OGDH: variants seen among roughly 807,000 people sequenced by gnomAD.
OGDH encodes oxoglutarate dehydrogenase.
OGDH carries 38 observed loss-of-function variants against 116.6 expected under a neutral mutation model. That is an observed-to-expected ratio of 0.33 (90% confidence interval 0.25 to 0.43). The LOEUF is 0.43. OGDH is among the 20% of genes least tolerant of loss of function. The probability of loss-of-function intolerance (pLI) is 1.00; values close to 1 mark genes in which losing one functional copy is unlikely to be tolerated. For missense variants in OGDH, 825 were observed against 1,357.2 expected (o/e 0.61, Z 6.16); for synonymous variants, 488 against 533.3 (o/e 0.92, Z 1.17).
At chr7:44,691,785 G>A (rs1788373926) in intron 10 of OGDH, among the ~76,000 whole-genome samples, 1 of 151,204 alleles carries the variant, frequency 6.6e-6, no homozygotes, top group African/African-American at 2.4e-5. Context: ...GACCATCCTG[G>A]CTAACACCAT....
intron 1 of OGDH, among the ~76,000 whole-genome samples, chr7:44,619,803 A>G (rs569212351): frequency 6.6e-6 from 1 of 152,188 alleles, no homozygotes; most frequent in Non-Finnish European, 1.5e-5. Context: ...GCTGTGTTAT[A>G]TGGTGACTTT....
intron 10 of OGDH, among the ~76,000 whole-genome samples, chr7:44,691,160 A>G (rs1003092933): frequency 2.0e-5 from 3 of 152,218 alleles, no homozygotes; most frequent in Non-Finnish European, 4.4e-5. Flanking sequence ...TATTTCTTTT[A>G]GAACATACTT....
chr7:44,705,294 C>T lies in OGDH; in HGVS notation c.2633-1931C>T, dbSNP rs991543698. Among the ~76,000 whole-genome samples the T allele has an allele frequency of 5.7e-4, 82 of 144,020 alleles. 1 individual carries two copies. Among genetic ancestry groups the T allele is most frequent in the South Asian group, 5.6e-3 (25 of 4,480 alleles). The allele number at this position is 144,020 out of a possible 152,430, so 94.5% of individuals were successfully genotyped here. A position where few individuals can be genotyped will look rare whatever the true frequency, so the allele number is the denominator to read the frequency against. ...GTCTCGATCTCCTGACCTCGTGATC[C>T]GCCCGCCTCGGCCTCCCAAAGTGCT... is the stretch of plus-strand genomic sequence containing the variant. On this transcript the variant is annotated intron_variant, in intron 20 of 22. Coordinates refer to ENST00000222673, the MANE Select transcript of OGDH (RefSeq NM_002541.4).
At chr7:44,664,610 C>T (rs1447233805) in intron 4 of OGDH, among the ~76,000 whole-genome samples, 2 of 152,110 alleles carry the variant, frequency 1.3e-5, no homozygotes, top group African/African-American at 2.4e-5. Flanking sequence ...CAGGGAACTC[C>T]CTGGTGTGTT....
chr7:44,698,566 C>T (rs370364760), intron 18 of OGDH, among the ~76,000 whole-genome samples: 17 of 152,102 alleles, frequency 1.1e-4, no homozygotes, highest in Non-Finnish European at 2.4e-4. Flanking sequence ...TGCTTCCAGA[C>T]CCTGATTCAG....
At chr7:44,672,644 GTTTTTTT>G (rs539935339) in intron 5 of OGDH, among the ~76,000 whole-genome samples, 2 of 134,030 alleles carry the variant, frequency 1.5e-5, no homozygotes, top group Non-Finnish European at 3.2e-5. Context: ...TTTGTTTTTT[GTTTTTTT>G]TTTTTTTTTG....
intron 1 of OGDH, among the ~76,000 whole-genome samples, chr7:44,616,836 CACATATACGT>C (rs1585220130): frequency 8.3e-6 from 1 of 120,310 alleles, no homozygotes; most frequent in East Asian, 2.6e-4. Context: ...TGTATATATA[CACATATACGT>C]GTATATATAT....
chr7:44,619,489 A>G (rs2117266064), intron 1 of OGDH, among the ~76,000 whole-genome samples: 1 of 152,370 alleles, frequency 6.6e-6, no homozygotes, highest in Non-Finnish European at 1.5e-5. Flanking sequence ...GAATAGACTC[A>G]TAATATGTCT....
intron 2 of OGDH, among the ~76,000 whole-genome samples, chr7:44,644,091 G>A (rs556913431): frequency 3.3e-5 from 5 of 152,282 alleles, no homozygotes; most frequent in East Asian, 1.9e-4. Flanking sequence ...TGTAATCCCC[G>A]CTGCTCAGGA....
intron 2 of OGDH, among the ~76,000 whole-genome samples, chr7:44,628,464 C>CT (rs141614193): frequency 6.7e-6 from 1 of 149,536 alleles, no homozygotes; most frequent in Non-Finnish European, 1.5e-5. Context: ...TAATTAAAAA[C>CT]TTTTTTTTAA....
intron 1 of OGDH, among the ~76,000 whole-genome samples, chr7:44,614,308 T>C (rs1784685657): frequency 6.7e-6 from 1 of 150,318 alleles, no homozygotes; most frequent in African/African-American, 2.5e-5. Context: ...TTTTTGTTTT[T>C]TTTGTTTGTT....
At chr7:44,691,981 TAAAAAAAAAA>T (rs371665967) in intron 10 of OGDH, among the ~76,000 whole-genome samples, 9,171 of 102,718 alleles carry the variant, frequency 0.089, 381 homozygotes, top group East Asian at 0.13. Context: ...GACTCTGTCT[TAAAAAAAAAA>T]AAAAAAAAAA....
At position 44,672,037 on chromosome 7, in the gene OGDH, C is replaced by G. The variant is rs541603467; in HGVS notation, c.634-1750C>G. ...TGAGCCGAGATTGTGCCACTGCACT[C>G]CAGCCTGGGTGACAGAGCAAGACTC... is the stretch of plus-strand genomic sequence containing the variant. On this transcript the variant is annotated intron_variant, in intron 5 of 22. Coordinates refer to ENST00000222673, the MANE Select transcript of OGDH (RefSeq NM_002541.4). 2.6e-4 allele frequency among the ~76,000 whole-genome samples: 39 copies of G among 151,980 alleles called. No individual in the cohort carries two copies. The South Asian group carries it at 7.7e-3, about 30-fold the overall frequency.
rs760748010 is a variant in OGDH, at chr7:44,694,550, G to A, written c.1642G>A (p.Gly548Ser). 6.2e-7 allele frequency: 1 copy of A among 1,614,102 alleles called. No individual in the cohort carries two copies. Among genetic ancestry groups the A allele is most frequent in the Non-Finnish European group, 8.5e-7 (1 of 1,180,012 alleles). ...QKYAELLVSQGVVNQPEYEEE... is the reference protein window; with the variant it reads ...QKYAELLVSQSVVNQPEYEEE... ...GTACGCTGAGCTGCTGGTGTCGCAG[G>A]GTGTGGTCAACCAGCCTGAGTATGA... Residue 548 changes from glycine (G) to serine (S), a missense_variant, in exon 12 of 23, where the codon GGT becomes AGT. By Grantham distance (56) the Gly-to-Ser change is moderately conservative. This residue lies in a region of OGDH where 146 missense variants were observed against 317.3 expected (regional missense o/e 0.46). Coordinates refer to ENST00000222673, the MANE Select transcript of OGDH (RefSeq NM_002541.4). This position sits in a 1 kb window ranked among gnomAD's most constrained non-coding sequence, Gnocchi z 4.2.
chr7:44,647,490 G>A, intron 3 of OGDH, 167 bp from the exon 4 acceptor site: 1 of 1,539,932 alleles, frequency 6.5e-7, no homozygotes. Context: ...GGAATTAGTT[G>A]TGTAAATTTT....
chr7:44,690,392 C>T (rs1788317622), intron 10 of OGDH, among the ~76,000 whole-genome samples: 1 of 152,192 alleles, frequency 6.6e-6, no homozygotes, highest in Non-Finnish European at 1.5e-5. Context: ...CCAGCTTTTC[C>T]TCTTAGCGAG....
At chr7:44,683,121 C>G (rs1257204631) in intron 10 of OGDH, among the ~76,000 whole-genome samples, 2 of 151,742 alleles carry the variant, frequency 1.3e-5, no homozygotes, top group Non-Finnish European at 2.9e-5. Flanking sequence ...TGCACTCCAG[C>G]CTGGATGACA....
intron 2 of OGDH, among the ~76,000 whole-genome samples, chr7:44,643,913 A>T (rs1305652014): frequency 9.9e-5 from 15 of 151,756 alleles, no homozygotes; most frequent in African/African-American, 2.9e-4. Flanking sequence ...TTTTTTTTTT[A>T]AACTGATGTT....
intron 5 of OGDH, among the ~76,000 whole-genome samples, chr7:44,668,179 C>G (rs1424702103): frequency 6.6e-6 from 1 of 152,080 alleles, no homozygotes; most frequent in African/African-American, 2.4e-5. Flanking sequence ...TGTCTCACGC[C>G]TATAGTCCCA....
Sources: allele counts gnomAD v4.1 joint callset (sites outside exome capture counted in the v4.1 genomes callset), GRCh38; gene constraint gnomAD v4.1.1; regional missense constraint gnomAD v4.1.1; non-coding constraint Gnocchi (gnomAD v3.1); transcripts MANE v1.5; gene names NCBI Gene and HGNC (gene_info 2026-07-23, HGNC 2026-07-21).